Variants in TENM3 observed in about 807,000 individuals in gnomAD.
TENM3 encodes the protein teneurin-3.
Under a neutral mutation model 255.1 loss-of-function variants are expected in TENM3, and 63 were observed. The observed-to-expected ratio is 0.25, with a 90% CI of 0.20 to 0.30. The LOEUF (loss-of-function observed/expected upper bound fraction) is 0.30, where lower values mean the gene tolerates loss of function less well. Ranked by LOEUF, TENM3 falls within the 10% of genes least tolerant of loss-of-function variation. The probability of loss-of-function intolerance (pLI) is 1.00; values close to 1 mark genes in which losing one functional copy is unlikely to be tolerated. For synonymous variants in TENM3, 1,306 were observed against 1,322.3 expected, an observed-to-expected ratio of 0.99 and a Z score of 0.27; for missense variants, 2,929 against 3,461.1, an observed-to-expected ratio of 0.85 and a Z score of 3.86.
At chr4:181,777,611 G>A in the TENM3 span, among the ~76,000 whole-genome samples, 5 of 152,122 alleles carry the variant, frequency 3.3e-5, no homozygotes, top group South Asian at 8.3e-4. Context: ...CAGCTCTCTT[G>A]ATTTTAAAAA....
chr4:182,392,672 T>A (rs1442774352), intron 3 of TENM3, among the ~76,000 whole-genome samples: 1 of 143,952 alleles, frequency 6.9e-6, no homozygotes, highest in East Asian at 1.9e-4. Context: ...TGCCTCCACG[T>A]GGGGCGGGGG....
At chr4:181,569,511 C>A in the TENM3 span, among the ~76,000 whole-genome samples, 1 of 152,148 alleles carries the variant, frequency 6.6e-6, no homozygotes, top group South Asian at 2.1e-4. Context: ...CATTTTCCAG[C>A]CTGGGGTTGT....
Position 182,628,223 on chromosome 4 carries a change from C to T in TENM3, c.750-428C>T, listed in dbSNP as rs151306915. On this transcript the variant is annotated intron_variant, in intron 4 of 27. Coordinates refer to ENST00000511685, the MANE Select transcript of TENM3 (RefSeq NM_001080477.4). ...TCATGCATACTCGTGTTTATATGAG[C>T]GCATAGTCTCATGAGTAGTAAATGG... Among the ~76,000 whole-genome samples the T allele has an allele frequency of 2.6e-3, 400 of 152,164 alleles. 2 individuals carry two copies. The highest frequency in any genetic ancestry group is 9.2e-3 in the African/African-American group (382 of 41,506).
At chr4:182,605,951 A>C (rs924530439) in intron 4 of TENM3, among the ~76,000 whole-genome samples, 2 of 152,220 alleles carry the variant, frequency 1.3e-5, no homozygotes, top group African/African-American at 4.8e-5. Context: ...CCAAGAGTAA[A>C]GTTAATTTTA....
chr4:181,839,184 AT>A, the TENM3 span, among the ~76,000 whole-genome samples: 1 of 149,888 alleles, frequency 6.7e-6, no homozygotes, highest in African/African-American at 2.4e-5. Context: ...TTCTACTATC[AT>A]TTTTATTATT....
chr4:182,046,201 T>C, the TENM3 span, among the ~76,000 whole-genome samples: 8 of 152,216 alleles, frequency 5.3e-5, no homozygotes, highest in Non-Finnish European at 8.8e-5. Context: ...CCATTTTAAA[T>C]CATGAAGATA....
chr4:182,727,665 C>T (rs1288204287), intron 13 of TENM3, among the ~76,000 whole-genome samples: 1 of 151,968 alleles, frequency 6.6e-6, no homozygotes, highest in Non-Finnish European at 1.5e-5. Context: ...ATCCATTATT[C>T]CTTTTATGTC....
At chr4:181,780,271 T>C in the TENM3 span, among the ~76,000 whole-genome samples, 1 of 152,192 alleles carries the variant, frequency 6.6e-6, no homozygotes, top group South Asian at 2.1e-4. Context: ...AAAGTGTTCC[T>C]ATTTCTCCAC....
At chr4:181,570,042 T>C in the TENM3 span, among the ~76,000 whole-genome samples, 1 of 146,444 alleles carries the variant, frequency 6.8e-6, no homozygotes, top group Non-Finnish European at 1.5e-5. Flanking sequence ...TTTCTTTTTT[T>C]TTTTTTTTTT....
the TENM3 span, among the ~76,000 whole-genome samples, chr4:181,814,184 A>T: frequency 6.6e-6 from 1 of 152,178 alleles, no homozygotes; most frequent in Non-Finnish European, 1.5e-5. Context: ...AATAAGGAAA[A>T]GGCAATGTGT....
At chr4:182,136,348 A>C in the TENM3 span, among the ~76,000 whole-genome samples, 1 of 152,076 alleles carries the variant, frequency 6.6e-6, no homozygotes, top group Admixed American at 6.6e-5. Flanking sequence ...TCTGATTTGA[A>C]GCATGCTATT....
At chr4:181,724,541 T>C in the TENM3 span, among the ~76,000 whole-genome samples, 2 of 152,208 alleles carry the variant, frequency 1.3e-5, no homozygotes, top group Non-Finnish European at 2.9e-5. Context: ...CTTGCTTTTG[T>C]TTCATAAATA....
intron 1 of TENM3, among the ~76,000 whole-genome samples, chr4:182,184,911 C>T (rs1304899700): frequency 2.6e-5 from 4 of 151,992 alleles, no homozygotes; most frequent in East Asian, 3.9e-4. Context: ...GATGACACTG[C>T]GTCTCTACTA....
chr4:181,749,698 C>T, the TENM3 span, among the ~76,000 whole-genome samples: 4 of 152,206 alleles, frequency 2.6e-5, no homozygotes, highest in South Asian at 4.1e-4. Flanking sequence ...ACAAGCTCAG[C>T]TTCTTTTGTG....
chr4:182,755,188 G>A lies in TENM3; in HGVS notation c.4821G>A (p.Leu1607=). 2 of 1,613,098 alleles carry A rather than the reference G, an allele frequency of 1.2e-6. No individual in the cohort carries two copies. The highest frequency in any genetic ancestry group is 1.7e-6 in the Non-Finnish European group (2 of 1,179,878). The change falls in exon 22 of 28, where the codon TTG becomes TTA. Residue 1607 remains leucine (L), a synonymous_variant. Coordinates refer to ENST00000511685, the MANE Select transcript of TENM3 (RefSeq NM_001080477.4). ...SMTAQGLELV[L]FTYHGNSGLL... The stretch of plus-strand genomic sequence containing the variant: ...CTGCTCAAGGACTGGAATTAGTTTT[G>A]TTTACTTACCATGGCAATAGTGGCC...
chr4:181,781,946 G>A, the TENM3 span, among the ~76,000 whole-genome samples: 2 of 152,278 alleles, frequency 1.3e-5, no homozygotes, highest in South Asian at 4.1e-4. Context: ...TATTGAACCA[G>A]CCTTGCATCC....
intron 2 of TENM3, among the ~76,000 whole-genome samples, chr4:182,337,558 T>C (rs1029025828): frequency 1.3e-5 from 2 of 152,204 alleles, no homozygotes; most frequent in African/African-American, 4.8e-5. Flanking sequence ...ATATTGAGGA[T>C]GTGGAACAAC....
chr4:182,590,556 A>AAAG (rs1553993543), intron 3 of TENM3, among the ~76,000 whole-genome samples: 11 of 150,448 alleles, frequency 7.3e-5, no homozygotes, highest in East Asian at 5.8e-4. Context: ...AAAAAAAAAA[A>AAAG]AAAAAGAAAA....
At chr4:181,711,850 G>T in the TENM3 span, among the ~76,000 whole-genome samples, 1 of 152,104 alleles carries the variant, frequency 6.6e-6, no homozygotes, top group Non-Finnish European at 1.5e-5. Flanking sequence ...GTGCAGGATG[G>T]GTGGGTAATG....
Sources: gnomAD v4.1 joint callset for allele counts (sites outside exome capture counted in the v4.1 genomes callset) on GRCh38, gnomAD v4.1.1 for gene constraint, MANE v1.5 for transcripts, NCBI Gene and HGNC (gene_info 2026-07-23, HGNC 2026-07-21) for gene names.